The following PPFIBP2 variants were observed in gnomAD, a reference collection of about 807,000 sequenced individuals.
PPFIBP2 encodes PPFIB scaffold protein 2.
Under a neutral mutation model 118.3 loss-of-function variants are expected in PPFIBP2, and 118 were observed. The observed-to-expected ratio is 1.00, with a 90% CI of 0.86 to 1.16. The LOEUF is 1.16. PPFIBP2 is among the 50% of genes most tolerant of loss of function. The pLI, the probability that PPFIBP2 is intolerant of heterozygous loss-of-function variation, is 0.00. For synonymous variants in PPFIBP2, 414 were observed against 397.4 expected, an observed-to-expected ratio of 1.04 and a Z score of -0.50; for missense variants, 1,195 against 1,073.1, an observed-to-expected ratio of 1.11 and a Z score of -1.59.
At chr11:7,584,891 C>T (rs956845229) in intron 3 of PPFIBP2, among the ~76,000 whole-genome samples, 3 of 152,168 alleles carry the variant, frequency 2.0e-5, no homozygotes. Context: ...CTATGGTTCA[C>T]TTGTAACTAG....
At chr11:7,549,642 C>T (rs1852732968) in intron 2 of PPFIBP2, 103 bp downstream of exon 2, 3 of 1,166,842 alleles carry the variant, frequency 2.6e-6, no homozygotes, top group Non-Finnish European at 3.5e-6. Flanking sequence ...GAGAAAATCC[C>T]CTTTTGTTAT....
At chr11:7,620,704 G>C (rs1220668771) in intron 6 of PPFIBP2, among the ~76,000 whole-genome samples, 1 of 152,206 alleles carries the variant, frequency 6.6e-6, no homozygotes, top group African/African-American at 2.4e-5. Context: ...GGCAGAACAG[G>C]TTCTAAAACT....
At chr11:7,634,865 G>A (rs543348368) in intron 13 of PPFIBP2, among the ~76,000 whole-genome samples, 7 of 152,200 alleles carry the variant, frequency 4.6e-5, no homozygotes, top group Non-Finnish European at 1.0e-4. Flanking sequence ...GGTAAGGTCA[G>A]AGCCATGAGA....
At chr11:7,626,020 T>C in intron 8 of PPFIBP2, 129 bp downstream of exon 8, 3 of 768,836 alleles carry the variant, frequency 3.9e-6, no homozygotes, top group African/African-American at 1.7e-5. Context: ...TGGACATGCA[T>C]GTATGTGTGC....
chr11:7,627,219 G>A (rs1199281847), intron 8 of PPFIBP2, among the ~76,000 whole-genome samples: 3 of 152,180 alleles, frequency 2.0e-5, no homozygotes, highest in African/African-American at 4.8e-5. Flanking sequence ...CTGACCAGTG[G>A]ATCAGGGTTG....
chr11:7,588,235 C>CA (rs1183065762), intron 3 of PPFIBP2, among the ~76,000 whole-genome samples: 2 of 152,134 alleles, frequency 1.3e-5, no homozygotes, highest in African/African-American at 2.4e-5. Flanking sequence ...AGGCTAGTAT[C>CA]ATTGTACGGT....
At position 7,651,293 on chromosome 11, in the gene PPFIBP2, A is replaced by T. The variant is rs1020225585; in HGVS notation, c.2247+328A>T. On this transcript the variant is annotated intron_variant, in intron 22 of 23. Transcript: ENST00000299492. ...GGAAGCCGTAAAAATGCAGCTTCCC[A>T]CTTGCTGCAATAGGATCCCTATCAC... The T allele has an allele frequency of 6.0e-5, 20 of 333,426 alleles. No homozygotes were observed. The East Asian group carries it at 1.0e-3, about 17-fold the overall frequency. 20.7% of individuals were successfully genotyped at this position (333,426 alleles called of 1,614,324 possible). A position where few individuals can be genotyped will look rare whatever the true frequency, so the allele number is the denominator to read the frequency against.
intron 2 of PPFIBP2, 131 bp downstream of exon 2, chr11:7,549,670 G>T: frequency 2.1e-6 from 2 of 933,292 alleles, no homozygotes. Flanking sequence ...TTTCAGTGGT[G>T]TTATTGTGTA....
At chr11:7,551,426 T>C (rs1414354256) in intron 2 of PPFIBP2, among the ~76,000 whole-genome samples, 2 of 152,236 alleles carry the variant, frequency 1.3e-5, no homozygotes, top group African/African-American at 4.8e-5. Flanking sequence ...TTTTGTGATA[T>C]ATATTCAGGT....
At chr11:7,568,843 G>A (rs1855310261) in intron 3 of PPFIBP2, 2 of 152,248 alleles carry the variant, frequency 1.3e-5, no homozygotes, top group Non-Finnish European at 2.9e-5. Context: ...GATCAATGAA[G>A]AAGCGTTAAG....
downstream of PPFIBP2, chr11:7,656,695 T>TTA: frequency 7.8e-7 from 1 of 1,289,216 alleles, no homozygotes; most frequent in Non-Finnish European, 1.0e-6. Flanking sequence ...CAAAACTCTA[T>TTA]TAAACTGACC....
At chr11:7,628,905 C>G (rs374990912) in intron 9 of PPFIBP2, among the ~76,000 whole-genome samples, 2 of 152,228 alleles carry the variant, frequency 1.3e-5, no homozygotes, top group East Asian at 3.9e-4. Context: ...AGTAATTTGG[C>G]CCAAGGTCAG....
At chr11:7,587,011 T>G (rs1176307876) in intron 3 of PPFIBP2, among the ~76,000 whole-genome samples, 1 of 152,230 alleles carries the variant, frequency 6.6e-6, no homozygotes, top group Non-Finnish European at 1.5e-5. Flanking sequence ...TTATTTCTTG[T>G]TTTGTTTGAA....
intron 2 of PPFIBP2, 94 bp from the exon 3 acceptor site, chr11:7,565,459 C>G: frequency 7.6e-7 from 1 of 1,315,472 alleles, no homozygotes; most frequent in Non-Finnish European, 1.1e-6. Flanking sequence ...TTATCTGTCC[C>G]TTTCACCGTT....
Position 7,570,472 on chromosome 11 carries a change from T to C in PPFIBP2, c.279+4705T>C, listed in dbSNP as rs1380896080. Among the ~76,000 whole-genome samples, 3 of 152,156 alleles carry C rather than the reference T, an allele frequency of 2.0e-5. No individual in the cohort carries two copies. In the East Asian group the frequency reaches 5.8e-4, roughly 29 times the overall value. On this transcript the variant is annotated intron_variant, in intron 3 of 23. Coordinates refer to ENST00000299492, the MANE Select transcript of PPFIBP2 (RefSeq NM_003621.5). ...ATTGGGTATGGGCCAAGGAGATTCT[T>C]GGTGAAGTTTCAAGATGAAGCCAGA...
intron 4 of PPFIBP2, 50 bp downstream of exon 4, chr11:7,593,274 T>C (rs1325320025): frequency 6.3e-6 from 10 of 1,592,382 alleles, no homozygotes; most frequent in Non-Finnish European, 7.7e-6. Context: ...TCCTACTATG[T>C]AGCTTCCCCT....
intron 5 of PPFIBP2, among the ~76,000 whole-genome samples, chr11:7,604,225 C>T (rs943513940): frequency 5.3e-5 from 8 of 152,176 alleles, no homozygotes; most frequent in Middle Eastern, 3.4e-3. Context: ...TCAGGAAAAC[C>T]GAGAGCAAGG....
Position 7,648,382 on chromosome 11 carries a change from C to G in PPFIBP2, c.1647-5C>G. ...ACAGGAATATGCTGTTTTCCTGCTT[C>G]CCAGTGACGCCAATGCCCCCTTTGC... On this transcript the variant is annotated splice_polypyrimidine_tract_variant and splice_region_variant and intron_variant, in intron 17 of 23. Coordinates refer to ENST00000299492, the MANE Select transcript of PPFIBP2 (RefSeq NM_003621.5). 1 of 1,608,690 alleles carries G rather than the reference C, an allele frequency of 6.2e-7. No individual in the cohort carries two copies. The highest frequency in any genetic ancestry group is 8.5e-7 in the Non-Finnish European group (1 of 1,175,590).
chr11:7,607,428 C>G (rs1421348572), intron 5 of PPFIBP2, among the ~76,000 whole-genome samples: 1 of 151,560 alleles, frequency 6.6e-6, no homozygotes, highest in African/African-American at 2.4e-5. Context: ...ACTATGTTGT[C>G]TAGGCTGATC....
Sources: allele counts gnomAD v4.1 joint callset (sites outside exome capture counted in the v4.1 genomes callset), GRCh38; gene constraint gnomAD v4.1.1; transcripts MANE v1.5; gene names NCBI Gene and HGNC (gene_info 2026-07-23, HGNC 2026-07-21).